RBM47: variants seen among roughly 807,000 people sequenced by gnomAD.
RBM47 encodes the protein RNA binding motif protein 47.
In RBM47, 21 loss-of-function variants were observed where a neutral mutation model predicts 47.1. The observed-to-expected ratio is 0.45, with a 90% CI of 0.32 to 0.64. The LOEUF (loss-of-function observed/expected upper bound fraction) is 0.64. RBM47 is among the 30% of genes least tolerant of loss of function. The probability of loss-of-function intolerance (pLI) is 0.05; values close to 1 mark genes in which losing one functional copy is unlikely to be tolerated. For synonymous variants in RBM47, 375 were observed against 361.7 expected (o/e 1.04, Z -0.42); for missense variants, 708 against 870.9 (o/e 0.81, Z 2.35).
intron 1 of RBM47, among the ~76,000 whole-genome samples, chr4:40,547,593 C>T (rs1729153403): frequency 6.6e-6 from 1 of 152,204 alleles, no homozygotes; most frequent in Non-Finnish European, 1.5e-5. Context: ...AAATACACTG[C>T]CCCTCCCCAC....
intron 1 of RBM47, among the ~76,000 whole-genome samples, chr4:40,606,309 C>T (rs1009614041): frequency 2.7e-5 from 4 of 150,828 alleles, no homozygotes; most frequent in African/African-American, 9.7e-5. Flanking sequence ...TGATTGTTAC[C>T]GAGAAACTAC....
At chr4:40,436,881 T>C (rs756099796) in intron 4 of RBM47, 66 of 657,540 alleles carry the variant, frequency 1.0e-4, no homozygotes, top group Non-Finnish European at 1.7e-4. Flanking sequence ...TTTCTAGGAT[T>C]GTATCTGCAA....
At chr4:40,551,837 C>T (rs916220545) in intron 1 of RBM47, among the ~76,000 whole-genome samples, 1 of 151,764 alleles carries the variant, frequency 6.6e-6, no homozygotes, top group Non-Finnish European at 1.5e-5. Context: ...TTAGTAGAGA[C>T]AGGGTTTCAC....
At chr4:40,559,739 T>A (rs1254878867) in intron 1 of RBM47, among the ~76,000 whole-genome samples, 1 of 152,154 alleles carries the variant, frequency 6.6e-6, no homozygotes, top group Non-Finnish European at 1.5e-5. Flanking sequence ...TTGTTGTTTT[T>A]GCGAAGTCAG....
chr4:40,466,877 T>G (rs1274614626), intron 2 of RBM47, among the ~76,000 whole-genome samples, 178 bp from the exon 3 acceptor site: 1 of 151,762 alleles, frequency 6.6e-6, no homozygotes, highest in Admixed American at 6.6e-5. Context: ...AATTATCATG[T>G]TCTCTATAAA....
chr4:40,449,217 T>C (rs1167083742), intron 3 of RBM47, among the ~76,000 whole-genome samples: 3 of 152,218 alleles, frequency 2.0e-5, no homozygotes, highest in Non-Finnish European at 2.9e-5. Context: ...TCTTTTTTTC[T>C]ATCACAGGCA....
chr4:40,425,757 A>G lies in RBM47; in HGVS notation c.*147T>C. 8.3e-7 allele frequency: 1 copy of G among 1,202,836 alleles called. No individual in the cohort carries two copies. 74.5% of individuals were successfully genotyped at this position (1,202,836 alleles called of 1,614,324 possible). On this transcript the variant is annotated 3_prime_UTR_variant, in exon 7 of 7. Coordinates refer to ENST00000295971, the MANE Select transcript of RBM47 (RefSeq NM_001098634.2). ...GTCTTAAAAAACTAGTGAAAACTTC[A>G]TGTATATAAAATAATTCAGAAATAA... is the stretch of plus-strand genomic sequence containing the variant.
At chr4:40,537,847 T>C (rs975318360) in intron 2 of RBM47, among the ~76,000 whole-genome samples, 3 of 151,924 alleles carry the variant, frequency 2.0e-5, no homozygotes, top group Admixed American at 6.6e-5. Context: ...TCTTTTTTTT[T>C]TTTTAGATGC....
At chr4:40,442,754 T>C (rs955127957) in intron 3 of RBM47, among the ~76,000 whole-genome samples, 1 of 152,132 alleles carries the variant, frequency 6.6e-6, no homozygotes, top group African/African-American at 2.4e-5. Flanking sequence ...CTCTGCTCAC[T>C]GCAACCTCCA....
At chr4:40,515,303 A>G (rs1012731606) in intron 2 of RBM47, among the ~76,000 whole-genome samples, 4 of 152,124 alleles carry the variant, frequency 2.6e-5, no homozygotes, top group African/African-American at 9.7e-5. Context: ...TACAGAAACT[A>G]CCTATAGAGA....
In RBM47 at chr4:40,437,981, C is replaced by G. The variant is rs866434214; in HGVS notation, c.913G>C (p.Glu305Gln). 3.1e-6 allele frequency: 5 copies of G among 1,613,444 alleles called. No individual in the cohort carries two copies. In the African/African-American group the frequency reaches 4.0e-5, roughly 13 times the overall value. ...VHAMNNLNGT[E>Q]LEGSCLEVTL... ...ACCTCCAGGCACGAGCCCTCCAGCT[C>G]AGTGCCGTTGAGGTTGTTCATGGCA... Residue 305 changes from glutamate (E) to glutamine (Q), a missense_variant, in exon 4 of 7, where the codon GAG becomes CAG. Transcript: ENST00000295971.
chr4:40,600,922 T>C (rs1225213285), intron 1 of RBM47, among the ~76,000 whole-genome samples: 2 of 131,720 alleles, frequency 1.5e-5, no homozygotes, highest in Non-Finnish European at 3.1e-5. Flanking sequence ...GAGGCGGAGT[T>C]TGCGGTAAGC....
At chr4:40,504,289 T>C (rs1723791278) in intron 2 of RBM47, among the ~76,000 whole-genome samples, 1 of 142,078 alleles carries the variant, frequency 7.0e-6, no homozygotes, top group South Asian at 2.3e-4. Context: ...GTTGTTTCCT[T>C]CTTTTTTTTT....
At chr4:40,605,835 AAAAAAGAAAGAAAAATACG>A (rs1735711218) in intron 1 of RBM47, among the ~76,000 whole-genome samples, 1 of 151,904 alleles carries the variant, frequency 6.6e-6, no homozygotes, top group Non-Finnish European at 1.5e-5. Flanking sequence ...CCATCTTAAA[AAAAAAGAAAGAAAAATACG>A]GGTTTTCCAT....
At chr4:40,512,941 A>G (rs1348917098) in intron 2 of RBM47, among the ~76,000 whole-genome samples, 1 of 152,206 alleles carries the variant, frequency 6.6e-6, no homozygotes, top group Non-Finnish European at 1.5e-5. Flanking sequence ...ATAGGAAAAC[A>G]TTAATCCACT....
chr4:40,534,327 A>G (rs918987103), intron 2 of RBM47, among the ~76,000 whole-genome samples: 6 of 152,054 alleles, frequency 3.9e-5, no homozygotes, highest in African/African-American at 1.4e-4. Context: ...TGCCCTGGAG[A>G]AAAAACAGTT....
chr4:40,552,751 ACC>A (rs1284816634), intron 1 of RBM47, among the ~76,000 whole-genome samples: 2 of 151,964 alleles, frequency 1.3e-5, no homozygotes, highest in African/African-American at 4.8e-5. Context: ...TTCTCCATCA[ACC>A]TCACAGTGCT....
rs1714643008 is a variant in RBM47, at chr4:40,423,656, C to CTTTCTTTCTTTCTTTCTT, written c.*2230_*2247dup. 1 of 14,520 alleles carries CTTTCTTTCTTTCTTTCTT rather than the reference C, an allele frequency of 6.9e-5. No individual in the cohort carries two copies. Among genetic ancestry groups the CTTTCTTTCTTTCTTTCTT allele is most frequent in the African/African-American group, 1.9e-4 (1 of 5,394 alleles). 0.9% of individuals were successfully genotyped at this position (14,520 alleles called of 1,614,324 possible). On this transcript the variant is annotated 3_prime_UTR_variant, in exon 7 of 7. Coordinates refer to ENST00000295971, the MANE Select transcript of RBM47 (RefSeq NM_001098634.2). ...TTTTTTTTATTCTTTCTTTCTTTTT[C>CTTTCTTTCTTTCTTTCTT]TTTCTTTCTTTCTTTCTTTCTTTCT...
intron 1 of RBM47, among the ~76,000 whole-genome samples, chr4:40,592,976 T>C (rs1251294424): frequency 1.4e-4 from 2 of 14,698 alleles, no homozygotes; most frequent in African/African-American, 5.7e-4. Context: ...TATATATATA[T>C]ATATTTTTTT....
Sources: gnomAD v4.1 joint callset for allele counts (sites outside exome capture counted in the v4.1 genomes callset) on GRCh38, gnomAD v4.1.1 for gene constraint, MANE v1.5 for transcripts, NCBI Gene and HGNC (gene_info 2026-07-23, HGNC 2026-07-21) for gene names.